ZNF839: variants seen among roughly 807,000 people sequenced by gnomAD.
The protein encoded by ZNF839 is zinc finger protein 839.
ZNF839 carries 38 observed loss-of-function variants against 56.4 expected under a neutral mutation model. The ratio of observed to expected loss-of-function variants is 0.67; its 90% CI spans 0.52 to 0.88. The LOEUF is 0.88. Among genes scored for constraint, ZNF839 ranks in the 40% least tolerant of loss-of-function variants. ZNF839 has a pLI of 0.00. For synonymous variants in ZNF839, 486 were observed against 493.5 expected (o/e 0.98, Z 0.20); for missense variants, 1,091 against 1,177.6 (o/e 0.93, Z 1.08).
Position 102,341,323 on chromosome 14 carries a change from G to T in ZNF839, c.1928G>T (p.Gly643Val). Reference sequence around the variant, plus strand: ...TTCACCTGTTTCCCAAAATGTTTAGGTTTTTCCCCTCCAGTAAATGTGACT... The same window carrying T: ...TTCACCTGTTTCCCAAAATGTTTAGTTTTTTCCCCTCCAGTAAATGTGACT... ...KPRPLHALAA[G>V]FSPPVNVTVS... Residue 643 changes from glycine to valine, a missense_variant and splice_region_variant, in exon 8 of 8, where the codon GGT becomes GTT. Gly to Val is a moderately radical substitution (Grantham distance 109). Coordinates refer to ENST00000442396, the MANE Select transcript of ZNF839 (RefSeq NM_018335.6). 1 of 1,518,132 alleles carries T rather than the reference G, an allele frequency of 6.6e-7. No homozygotes were observed. Among genetic ancestry groups the T allele is most frequent in the Non-Finnish European group, 8.8e-7 (1 of 1,133,790 alleles). 94.0% of individuals were successfully genotyped at this position (1,518,132 alleles called of 1,614,324 possible).
chr14:102,318,010 G>C (rs2072947496), upstream of ZNF839, among the ~76,000 whole-genome samples: 1 of 152,200 alleles, frequency 6.6e-6, no homozygotes, highest in South Asian at 2.1e-4. Flanking sequence ...ACAGCTACTA[G>C]TTCTGACCTA....
chr14:102,327,060 A>C (rs1243278588), intron 2 of ZNF839, among the ~76,000 whole-genome samples, 173 bp downstream of exon 2: 3 of 152,070 alleles, frequency 2.0e-5, no homozygotes, highest in Non-Finnish European at 4.4e-5. Context: ...GCCTCGGGAA[A>C]CAGAGTCACG....
intron 3 of ZNF839, 46 bp from the exon 4 acceptor site, chr14:102,334,508 A>G: frequency 1.4e-6 from 2 of 1,440,046 alleles, no homozygotes; most frequent in South Asian, 1.2e-5. Context: ...GCTATTGGGA[A>G]ATTCTTACGG....
In ZNF839 at chr14:102,342,255, C is replaced by T; in HGVS notation, c.*76C>T. Reference sequence around the variant, plus strand: ...CCCTCACAGTGAAGTGGAGTCAGATCCTAGATTCGTCTGATTTTATCCAGA... The same window carrying T: ...CCCTCACAGTGAAGTGGAGTCAGATTCTAGATTCGTCTGATTTTATCCAGA... On this transcript the variant is annotated 3_prime_UTR_variant, in exon 8 of 8. Coordinates refer to ENST00000442396, the MANE Select transcript of ZNF839 (RefSeq NM_018335.6). The T allele has an allele frequency of 6.6e-7, 1 of 1,510,972 alleles. No individual in the cohort carries two copies. The highest frequency in any genetic ancestry group is 8.9e-7 in the Non-Finnish European group (1 of 1,128,596). 93.6% of individuals were successfully genotyped at this position (1,510,972 alleles called of 1,614,324 possible).
rs375532380 is a variant in ZNF839, at chr14:102,339,190, G to C, written c.1894G>C (p.Glu632Gln). 3 of 1,612,164 alleles carry C rather than the reference G, an allele frequency of 1.9e-6. No homozygotes were observed. Among genetic ancestry groups the C allele is most frequent in the Non-Finnish European group, 1.7e-6 (2 of 1,179,048 alleles). Residue 632 changes from glutamate to glutamine, a missense_variant, in exon 7 of 8, where the codon GAG becomes CAG. Physicochemically the swap from Glu to Gln is conservative, Grantham distance 29. Coordinates refer to ENST00000442396, the MANE Select transcript of ZNF839 (RefSeq NM_018335.6). ...TCTTGCTGCCAACAGCAGAGGCCGG[G>C]AGAAGCCCAGGCCCTTGCATGCTTT... ...ESLAANSRGR[E>Q]KPRPLHALAA...
chr14:102,330,503 G>A (rs536667429), intron 2 of ZNF839, among the ~76,000 whole-genome samples: 1 of 150,500 alleles, frequency 6.6e-6, no homozygotes, highest in East Asian at 2.0e-4. Flanking sequence ...GAAAGTGCTG[G>A]CATTACAGGC....
Position 102,331,613 on chromosome 14 carries a change from A to G in ZNF839, c.1192-9A>G, listed in dbSNP as rs375300688. 8.0e-5 allele frequency: 129 copies of G among 1,604,762 alleles called. No individual in the cohort carries two copies. Among genetic ancestry groups the G allele is most frequent in the Non-Finnish European group, 1.1e-4 (126 of 1,175,368 alleles). On this transcript the variant is annotated splice_polypyrimidine_tract_variant and intron_variant, in intron 2 of 7. Transcript: ENST00000442396. ...TTTATTTTACTTTTGGGTGTGCAAC[A>G]CTGTCTAGAATGGTCAGTCTGTAGA...
At chr14:102,331,390 A>G (rs2073771821) in intron 2 of ZNF839, 2 of 431,952 alleles carry the variant, frequency 4.6e-6, no homozygotes, top group Non-Finnish European at 8.4e-6. Flanking sequence ...CCAGGACTAC[A>G]GGCGCGCGCC....
intron 5 of ZNF839, among the ~76,000 whole-genome samples, chr14:102,336,160 CAG>C (rs1448437105): frequency 6.7e-6 from 1 of 149,168 alleles, no homozygotes; most frequent in East Asian, 2.0e-4. Context: ...GCCTGGGTGA[CAG>C]AGACTCTGTC....
intron 2 of ZNF839, among the ~76,000 whole-genome samples, chr14:102,328,375 A>ATATATATAT (rs1555442800): frequency 4.9e-4 from 8 of 16,342 alleles, no homozygotes; most frequent in Non-Finnish European, 6.8e-4. Flanking sequence ...AAAAAAAAAA[A>ATATATATAT]ATATATATAT....
Position 102,341,676 on chromosome 14 carries a change from C to A in ZNF839, c.2281C>A (p.Pro761Thr), listed in dbSNP as rs764077189. The A allele has an allele frequency of 6.2e-7, 1 of 1,614,002 alleles. No homozygotes were observed. ...TGGTGGTGGAGCAGAGTCCCTGCCG[C>A]CTGGGGGGCCTGGACATGCAGAGGC... ...SSGGGAESLP[P>T]GGPGHAEAGH... Residue 761 changes from proline (P) to threonine (T), a missense_variant, in exon 8 of 8, where the codon CCT becomes ACT. Pro to Thr is a conservative substitution (Grantham distance 38, BLOSUM62 -1). This residue lies in a region of ZNF839 where 431 missense variants were observed against 468.0 expected (regional missense o/e 0.92). Transcript: ENST00000442396.
chr14:102,342,244 T>C lies in ZNF839; in HGVS notation c.*65T>C, dbSNP rs1468334117. 1.0e-5 allele frequency: 16 copies of C among 1,528,590 alleles called. No homozygotes were observed. The highest frequency in any genetic ancestry group is 6.4e-5 in the South Asian group (5 of 77,600). 94.7% of individuals were successfully genotyped at this position (1,528,590 alleles called of 1,614,324 possible). ...TGGAGCCAGAGCCCTCACAGTGAAG[T>C]GGAGTCAGATCCTAGATTCGTCTGA... On this transcript the variant is annotated 3_prime_UTR_variant, in exon 8 of 8. Transcript: ENST00000442396.
At position 102,335,576 on chromosome 14, in the gene ZNF839, AC is replaced by A. The variant is rs1223511639; in HGVS notation, c.1510-112del. 4 of 1,085,212 alleles carry A rather than the reference AC, an allele frequency of 3.7e-6. No individual in the cohort carries two copies. The African/African-American group carries it at 6.3e-5, about 17-fold the overall frequency. The allele number at this position is 1,085,212 out of a possible 1,614,324, so 67.2% of individuals were successfully genotyped here. A position where few individuals can be genotyped will look rare whatever the true frequency, so the allele number is the denominator to read the frequency against. Reference sequence around the variant, plus strand: ...CTGGGGACTGAAGGAAACGCACACCACTGAGGGCTGCTGAGGGGTTAAGGAA... The same window carrying A: ...CTGGGGACTGAAGGAAACGCACACCATGAGGGCTGCTGAGGGGTTAAGGAA... On this transcript the variant is annotated intron_variant, in intron 4 of 7. Transcript: ENST00000442396.
At position 102,342,213 on chromosome 14, in the gene ZNF839, T is replaced by A. The variant is rs1250836113; in HGVS notation, c.*34T>A. On this transcript the variant is annotated 3_prime_UTR_variant, in exon 8 of 8. Coordinates refer to ENST00000442396, the MANE Select transcript of ZNF839 (RefSeq NM_018335.6). ...CCTCTAGAAGCTGTGGAGTCGGTCG[T>A]CACCGTGGAGCCAGAGCCCTCACAG... 20 of 1,551,386 alleles carry A rather than the reference T, an allele frequency of 1.3e-5. No individual in the cohort carries two copies. Among genetic ancestry groups the A allele is most frequent in the Non-Finnish European group, 1.7e-5 (19 of 1,145,794 alleles).
At position 102,340,214 on chromosome 14, in the gene ZNF839, G is replaced by C. The variant is rs187533017; in HGVS notation, c.1927+991G>C. On this transcript the variant is annotated intron_variant, in intron 7 of 7. Transcript: ENST00000442396. Reference sequence around the variant, plus strand: ...TGGTCTGAAACTCCTGACTGCAGGTGATCTGCCCACCTCGGCCTCCCAAAG... The same window carrying C: ...TGGTCTGAAACTCCTGACTGCAGGTCATCTGCCCACCTCGGCCTCCCAAAG... 1.9e-4 allele frequency among the ~76,000 whole-genome samples: 28 copies of C among 150,364 alleles called. No homozygotes were observed. In the East Asian group the frequency reaches 4.7e-3, roughly 25 times the overall value.
At chr14:102,328,860 G>A (rs1025173106) in intron 2 of ZNF839, among the ~76,000 whole-genome samples, 2 of 152,052 alleles carry the variant, frequency 1.3e-5, no homozygotes, top group Admixed American at 6.6e-5. Context: ...CATATCACAC[G>A]TTGCTTGTTC....
At position 102,342,279 on chromosome 14, in the gene ZNF839, G is replaced by C; in HGVS notation, c.*100G>C. ...TCCTAGATTCGTCTGATTTTATCCA[G>C]AGAAGGTCTATGGCAAGCAATGTAT... On this transcript the variant is annotated 3_prime_UTR_variant, in exon 8 of 8. Transcript: ENST00000442396. 3 of 1,447,518 alleles carry C rather than the reference G, an allele frequency of 2.1e-6. No homozygotes were observed. The highest frequency in any genetic ancestry group is 1.9e-6 in the Non-Finnish European group (2 of 1,076,176). 89.7% of individuals were successfully genotyped at this position (1,447,518 alleles called of 1,614,324 possible). A position where few individuals can be genotyped will look rare whatever the true frequency, so the allele number is the denominator to read the frequency against.
upstream of ZNF839, among the ~76,000 whole-genome samples, chr14:102,318,614 CAG>C (rs1213628748): frequency 6.8e-6 from 1 of 147,430 alleles, no homozygotes; most frequent in Non-Finnish European, 1.5e-5. Flanking sequence ...GCCTGGGTGA[CAG>C]AGTGAGATCT....
chr14:102,320,274 C>G (rs1174411257), intron 1 of ZNF839, among the ~76,000 whole-genome samples: 1 of 152,210 alleles, frequency 6.6e-6, no homozygotes, highest in Non-Finnish European at 1.5e-5. Flanking sequence ...CACGCTGGGC[C>G]CTGTGCCTGG....
Sources: allele counts gnomAD v4.1 joint callset (sites outside exome capture counted in the v4.1 genomes callset), GRCh38; gene constraint gnomAD v4.1.1; regional missense constraint gnomAD v4.1.1; transcripts MANE v1.5; gene names NCBI Gene and HGNC (gene_info 2026-07-23, HGNC 2026-07-21).